Variants in CLASP2 observed in about 807,000 individuals in gnomAD.
CLASP2 encodes the protein cytoplasmic linker associated protein 2, also known as CLIP-associating protein 2.
In CLASP2, 47 loss-of-function variants were observed where a neutral mutation model predicts 194.4. That is an observed-to-expected ratio of 0.24 (90% CI 0.19 to 0.31). The LOEUF (loss-of-function observed/expected upper bound fraction) is 0.31. CLASP2 is among the 10% of genes least tolerant of loss of function. The pLI, the probability that CLASP2 is intolerant of heterozygous loss-of-function variation, is 1.00. For missense variants in CLASP2, 1,445 were observed against 1,823.6 expected, an observed-to-expected ratio of 0.79 and a Z score of 3.78; for synonymous variants, 619 against 633.5, an observed-to-expected ratio of 0.98 and a Z score of 0.34.
rs928935787 is a variant in CLASP2, at chr3:33,583,694, G to A, written c.2239+1056C>T. Among the ~76,000 whole-genome samples the A allele has an allele frequency of 5.3e-5, 8 of 152,054 alleles. No individual in the cohort carries two copies. In the East Asian group the frequency reaches 1.3e-3, roughly 26 times the overall value. ...AGTTGAGATACTGATTGAGGTTGAC[G>A]AAACAAGAAATAGAAATATGAGTAT... On this transcript the variant is annotated intron_variant, in intron 22 of 38. Transcript: ENST00000682230.
At position 33,581,031 on chromosome 3, in the gene CLASP2, AG is replaced by A. The variant is rs201685601; in HGVS notation, c.2347+789del. Among the ~76,000 whole-genome samples the A allele has an allele frequency of 1.1e-3, 159 of 146,360 alleles. 19 individuals carry two copies. The highest frequency in any genetic ancestry group is 2.2e-3 in the African/African-American group (90 of 40,152). On this transcript the variant is annotated intron_variant, in intron 23 of 38. Transcript: ENST00000682230. ...ACTCCGTCTCAAAAAAAAAAAAAAA[AG>A]AAAGAAAGAAAAAAAAGAAAAAGAA...
chr3:33,667,406 C>CAA lies in CLASP2; in HGVS notation c.645-3893_645-3892dup, dbSNP rs537846651. On this transcript the variant is annotated intron_variant, in intron 6 of 38. Coordinates refer to ENST00000682230, the MANE Select transcript of CLASP2 (RefSeq NM_001365631.1). ...CCTGGGTGACAGAGTGAGACTATCT[C>CAA]AAAAAAAAAAAAAAAAAAAAAAGAC... Among the ~76,000 whole-genome samples, 47 of 43,884 alleles carry CAA rather than the reference C, an allele frequency of 1.1e-3. 1 individual carries two copies. The highest frequency in any genetic ancestry group is 2.0e-3 in the East Asian group (3 of 1,492). The allele number at this position is 43,884 out of a possible 152,430, so 28.8% of individuals were successfully genotyped here. A position where few individuals can be genotyped will look rare whatever the true frequency, so the allele number is the denominator to read the frequency against.
At chr3:33,600,323 A>G (rs987590797) in intron 18 of CLASP2, among the ~76,000 whole-genome samples, 6 of 152,146 alleles carry the variant, frequency 3.9e-5, no homozygotes, top group African/African-American at 1.4e-4. Flanking sequence ...CAGTTTTTTA[A>G]TCGTCAGGTA....
At chr3:33,551,496 T>TTA (rs919579027) in intron 29 of CLASP2, 101 bp from the exon 30 acceptor site, 29 of 1,228,820 alleles carry the variant, frequency 2.4e-5, no homozygotes, top group Non-Finnish European at 3.1e-5. Context: ...ATTTTTTTTT[T>TTA]TATATACAGA....
chr3:33,667,890 T>C (rs2086481873), intron 6 of CLASP2, among the ~76,000 whole-genome samples: 2 of 152,116 alleles, frequency 1.3e-5, no homozygotes, highest in Non-Finnish European at 2.9e-5. Flanking sequence ...TTAAAAAATA[T>C]TTGATAGAAA....
intron 10 of CLASP2, among the ~76,000 whole-genome samples, chr3:33,622,730 ATCACTATCTACTAAGGGAGCC>A (rs1357061879): frequency 6.6e-6 from 1 of 152,176 alleles, no homozygotes; most frequent in African/African-American, 2.4e-5. Context: ...GACCATTACC[ATCACTATCTACTAAGGGAGCC>A]TATTTTTAAA....
chr3:33,631,439 T>C (rs2079062116), intron 9 of CLASP2, among the ~76,000 whole-genome samples: 1 of 152,200 alleles, frequency 6.6e-6, no homozygotes, highest in African/African-American at 2.4e-5. Context: ...CTCACGCCTG[T>C]AACCCCAGCA....
intron 6 of CLASP2, among the ~76,000 whole-genome samples, chr3:33,678,421 A>C (rs926506474): frequency 6.6e-6 from 1 of 152,168 alleles, no homozygotes; most frequent in South Asian, 2.1e-4. Context: ...TAAAAACTAC[A>C]TCCCACTTCT....
chr3:33,501,558 A>G lies in CLASP2; in HGVS notation c.4434+94T>C. The G allele has an allele frequency of 4.1e-6, 3 of 732,264 alleles. No homozygotes were observed. The South Asian group carries it at 5.0e-5, about 12-fold the overall frequency. The allele number at this position is 732,264 out of a possible 1,614,324, so 45.4% of individuals were successfully genotyped here. On this transcript the variant is annotated intron_variant, in intron 38 of 38. Transcript: ENST00000682230. ...GGATGCTCAAAGCCTGACTTATTAA[A>G]TGCCAAATAAAAAGCTTACTGTTAC...
chr3:33,692,927 A>T (rs1215097278), intron 2 of CLASP2, among the ~76,000 whole-genome samples: 1 of 152,118 alleles, frequency 6.6e-6, no homozygotes, highest in Non-Finnish European at 1.5e-5. Context: ...AACCATTCTA[A>T]AAAAGTGATA....
chr3:33,558,407 T>C (rs1324795004), intron 29 of CLASP2: 2 of 152,142 alleles, frequency 1.3e-5, no homozygotes, highest in South Asian at 2.1e-4. Context: ...GTAACGCTTG[T>C]AGAAATATAT....
At chr3:33,644,277 C>T in intron 8 of CLASP2, 1 of 154,100 alleles carries the variant, frequency 6.5e-6, no homozygotes, top group Admixed American at 6.4e-5. Context: ...TTTACTTGAC[C>T]ACCACCCATC....
intron 7 of CLASP2, among the ~76,000 whole-genome samples, chr3:33,660,764 T>C (rs1314090846): frequency 6.6e-6 from 1 of 152,232 alleles, no homozygotes; most frequent in East Asian, 1.9e-4. Flanking sequence ...AACAGCTCTT[T>C]GTGTGCATGA....
intron 1 of CLASP2, among the ~76,000 whole-genome samples, chr3:33,717,042 C>A (rs2093330751): frequency 6.6e-6 from 1 of 152,202 alleles, no homozygotes; most frequent in African/African-American, 2.4e-5. Flanking sequence ...GGCCTCCCAA[C>A]GCGGCTACAT....
At chr3:33,570,603 T>C in intron 26 of CLASP2, 124 bp downstream of exon 26, 1 of 1,215,266 alleles carries the variant, frequency 8.2e-7, no homozygotes, top group Non-Finnish European at 1.2e-6. Flanking sequence ...ACAATTTTAA[T>C]TATGCTTGAA....
chr3:33,713,012 CAAAAAAAAAAAAAAAA>C (rs57940200), intron 1 of CLASP2, among the ~76,000 whole-genome samples: 1 of 46,990 alleles, frequency 2.1e-5, no homozygotes, highest in African/African-American at 7.8e-5. Flanking sequence ...AACTCCACCT[CAAAAAAAAAAAAAAAA>C]AAAAAAAAAA....
At chr3:33,557,720 A>C (rs1056134774) in intron 29 of CLASP2, among the ~76,000 whole-genome samples, 7 of 152,250 alleles carry the variant, frequency 4.6e-5, no homozygotes, top group African/African-American at 7.2e-5. Flanking sequence ...TCTATTAATA[A>C]TATCAAGTAA....
Position 33,602,987 on chromosome 3 carries a change from G to A in CLASP2, c.1889C>T (p.Ala630Val). 1 of 1,610,514 alleles carries A rather than the reference G, an allele frequency of 6.2e-7. No individual in the cohort carries two copies. The highest frequency in any genetic ancestry group is 1.1e-5 in the South Asian group (1 of 90,084). The change falls in exon 18 of 39, where the codon GCA (alanine) becomes GTA (valine). Residue 630 changes from alanine (A) to valine (V), a missense_variant. This residue lies in a region of CLASP2 where 174 missense variants were observed against 179.0 expected (regional missense o/e 0.97). Coordinates refer to ENST00000682230, the MANE Select transcript of CLASP2 (RefSeq NM_001365631.1). ...ATAGGAACCTGCATTCAGGGCACCT[G>A]CACCTAAGCGCCCGCTTCGCACAGA... Reference protein sequence around the residue: ...GQSVRSGRLGAGALNAGSYAS... With the variant: ...GQSVRSGRLGVGALNAGSYAS...
chr3:33,664,399 A>C (rs912187114), intron 6 of CLASP2, among the ~76,000 whole-genome samples: 8 of 152,138 alleles, frequency 5.3e-5, no homozygotes, highest in Non-Finnish European at 1.0e-4. Flanking sequence ...TTAGTTGCCA[A>C]ATGTTCTTCT....
Sources: allele counts gnomAD v4.1 joint callset (sites outside exome capture counted in the v4.1 genomes callset), GRCh38; gene constraint gnomAD v4.1.1; regional missense constraint gnomAD v4.1.1; transcripts MANE v1.5; gene names NCBI Gene and HGNC (gene_info 2026-07-23, HGNC 2026-07-21).